SYT14: variants seen among roughly 807,000 people sequenced by gnomAD.
The protein encoded by SYT14 is synaptotagmin 14.
Under a neutral mutation model 74.2 loss-of-function variants are expected in SYT14, and 32 were observed. The observed-to-expected ratio is 0.43, with a 90% confidence interval of 0.33 to 0.58. The LOEUF (loss-of-function observed/expected upper bound fraction) is 0.58, where lower values mean the gene tolerates loss of function less well. Among genes scored for constraint, SYT14 ranks in the 20% least tolerant of loss-of-function variants. The pLI is 0.05. For synonymous variants in SYT14, 298 were observed against 337.7 expected (o/e 0.88, Z 1.29); for missense variants, 791 against 981.8 (o/e 0.81, Z 2.60).
intron 8 of SYT14, among the ~76,000 whole-genome samples, chr1:210,156,164 A>G (rs1223784513): frequency 6.6e-6 from 1 of 152,204 alleles, no homozygotes; most frequent in African/African-American, 2.4e-5. Context: ...TATCATAGCC[A>G]TTATCTTTTA....
chr1:209,981,319 A>G (rs1440235051), intron 2 of SYT14, among the ~76,000 whole-genome samples: 5 of 152,092 alleles, frequency 3.3e-5, no homozygotes, highest in Non-Finnish European at 7.4e-5. Context: ...TTTGGTGGTA[A>G]TGAATTTTCT....
At chr1:209,969,266 T>C (rs779161540) in intron 2 of SYT14, among the ~76,000 whole-genome samples, 1 of 152,124 alleles carries the variant, frequency 6.6e-6, no homozygotes, top group Non-Finnish European at 1.5e-5. Flanking sequence ...TACCTGGTAA[T>C]GGGATTGCTG....
chr1:210,059,577 G>C (rs2081171165), intron 5 of SYT14, among the ~76,000 whole-genome samples: 2 of 151,290 alleles, frequency 1.3e-5, no homozygotes, highest in Admixed American at 6.6e-5. Flanking sequence ...ATGTAAAGAG[G>C]CTGTTCTTTC....
chr1:210,092,053 CTAAT>C (rs2081878592), intron 5 of SYT14, among the ~76,000 whole-genome samples: 2 of 152,284 alleles, frequency 1.3e-5, no homozygotes, highest in Middle Eastern at 3.4e-3. Flanking sequence ...AATTCAGTGG[CTAAT>C]TAAATATGTA....
rs1572196450 is a variant in SYT14, at chr1:210,038,429, A to C, written c.1312+17175A>C. On this transcript the variant is annotated intron_variant, in intron 5 of 9. Transcript: ENST00000637265. ...TAAGGCATTTATGGTCAAGATTAAT[A>C]TTGATATGTAGGGTTTCTTCTTGTC... 2.0e-5 allele frequency among the ~76,000 whole-genome samples: 3 copies of C among 152,050 alleles called. No individual in the cohort carries two copies. The South Asian group carries it at 6.2e-4, about 31-fold the overall frequency.
intron 5 of SYT14, among the ~76,000 whole-genome samples, chr1:210,055,511 G>A (rs1449811033): frequency 6.6e-6 from 1 of 151,882 alleles, no homozygotes; most frequent in East Asian, 1.9e-4. Flanking sequence ...TTTCCTATTA[G>A]AATGTCTTAA....
At chr1:210,075,569 G>T (rs1008117406) in intron 5 of SYT14, among the ~76,000 whole-genome samples, 1 of 149,132 alleles carries the variant, frequency 6.7e-6, no homozygotes, top group African/African-American at 2.4e-5. Flanking sequence ...TCCTGACCTC[G>T]TGATCCGCCT....
At chr1:209,989,478 G>A (rs2079628158) in intron 2 of SYT14, among the ~76,000 whole-genome samples, 1 of 152,152 alleles carries the variant, frequency 6.6e-6, no homozygotes, top group Non-Finnish European at 1.5e-5. Flanking sequence ...TTAAGGAAAG[G>A]CATTCTCTAG....
chr1:210,112,667 T>C (rs915351641), intron 7 of SYT14, among the ~76,000 whole-genome samples: 2 of 151,292 alleles, frequency 1.3e-5, no homozygotes, highest in South Asian at 2.1e-4. Context: ...TCTGATGCCT[T>C]TTGATGGCCC....
intron 5 of SYT14, among the ~76,000 whole-genome samples, chr1:210,058,212 A>T (rs1318286857): frequency 6.6e-6 from 1 of 152,294 alleles, no homozygotes; most frequent in East Asian, 1.9e-4. Context: ...CTACGTATTT[A>T]TTATGAGGTA....
chr1:210,157,698 C>T lies in SYT14; in HGVS notation c.2225-1723C>T, dbSNP rs188505958. 3.6e-3 allele frequency among the ~76,000 whole-genome samples: 546 copies of T among 151,678 alleles called. 2 individuals are homozygous for T. Among genetic ancestry groups the T allele is most frequent in the Middle Eastern group, 0.034 (10 of 294 alleles). On this transcript the variant is annotated intron_variant, in intron 8 of 9. Transcript: ENST00000637265. ...CGGAGGTTGCAGTGAGCTGAGATTG[C>T]GCCACTGCACTCCAGCCTGGTGGCA... is the stretch of plus-strand genomic sequence containing the variant.
At chr1:210,024,075 C>T (rs576355911) in intron 5 of SYT14, among the ~76,000 whole-genome samples, 14 of 152,170 alleles carry the variant, frequency 9.2e-5, no homozygotes, top group African/African-American at 2.2e-4. Flanking sequence ...AACATAGGTG[C>T]GTCTATACAT....
At chr1:210,153,780 T>C (rs996020660) in intron 7 of SYT14, among the ~76,000 whole-genome samples, 5 of 152,210 alleles carry the variant, frequency 3.3e-5, no homozygotes, top group Admixed American at 6.5e-5. Flanking sequence ...AGCTGGTATC[T>C]CCACTACAGT....
intron 3 of SYT14, among the ~76,000 whole-genome samples, chr1:210,015,525 A>G (rs2102929042): frequency 6.6e-6 from 1 of 152,288 alleles, no homozygotes; most frequent in East Asian, 1.9e-4. Flanking sequence ...TATTCTTACC[A>G]CTATGCAAAA....
chr1:210,048,034 G>A (rs148944231), intron 5 of SYT14, among the ~76,000 whole-genome samples: 4 of 152,160 alleles, frequency 2.6e-5, no homozygotes, highest in East Asian at 1.9e-4. Context: ...CCACTTTTTC[G>A]GGAGTAAATA....
intron 5 of SYT14, among the ~76,000 whole-genome samples, chr1:210,085,538 A>G (rs2081708773): frequency 6.6e-6 from 1 of 152,196 alleles, no homozygotes; most frequent in East Asian, 1.9e-4. Context: ...GATAAAGGAA[A>G]TTGCTTTCTA....
intron 1 of SYT14, among the ~76,000 whole-genome samples, chr1:209,941,838 T>G (rs558574676): frequency 1.3e-5 from 2 of 152,224 alleles, no homozygotes; most frequent in South Asian, 4.1e-4. Flanking sequence ...CTGGAGACAC[T>G]AAAATTTAAG....
At chr1:210,017,348 G>A (rs767608352) in intron 4 of SYT14, among the ~76,000 whole-genome samples, 5 of 152,040 alleles carry the variant, frequency 3.3e-5, no homozygotes, top group Non-Finnish European at 5.9e-5. Flanking sequence ...CAACTTTTCA[G>A]CAGCCCTAGT....
At chr1:210,159,292 C>A in intron 8 of SYT14, 129 bp from the exon 8 acceptor site, 1 of 900,718 alleles carries the variant, frequency 1.1e-6, no homozygotes. Context: ...AATTAAAATG[C>A]TAAAGTTTTG....
Sources: allele counts gnomAD v4.1 joint callset (sites outside exome capture counted in the v4.1 genomes callset), GRCh38; gene constraint gnomAD v4.1.1; transcripts MANE v1.5; gene names NCBI Gene and HGNC (gene_info 2026-07-23, HGNC 2026-07-21).